Variants in CEP350 observed in about 807,000 individuals in gnomAD.
The protein encoded by CEP350 is centrosome-associated protein 350.
Under a neutral mutation model 331.8 loss-of-function variants are expected in CEP350, and 126 were observed. The observed-to-expected ratio is 0.38, with a 90% CI of 0.33 to 0.44. CEP350 has a LOEUF of 0.44. Ranked by LOEUF, CEP350 falls within the 20% of genes least tolerant of loss-of-function variation. The probability of loss-of-function intolerance (pLI) is 1.00; values close to 1 mark genes in which losing one functional copy is unlikely to be tolerated. For missense variants in CEP350, 3,406 were observed against 3,634.6 expected, an observed-to-expected ratio of 0.94 and a Z score of 1.62; for synonymous variants, 1,200 against 1,259.5, an observed-to-expected ratio of 0.95 and a Z score of 1.00.
rs1172034085 is a variant in CEP350, at chr1:180,014,200, CCT to C, written c.1748_1749del (p.Pro583ArgfsTer9). On this transcript the variant is annotated frameshift_variant, in exon 10 of 38. Transcript: ENST00000367607. LOFTEE classifies it high-confidence loss of function. ...PDKITANEDP[P>X]VISKRRHYDT... is the part of the protein sequence containing the mutation. The stretch of plus-strand genomic sequence containing the variant: ...CAAAATAACAGCTAATGAAGATCCC[CCT>C]GTTATTTCCAAAAGGCGCCACTATG... The C allele has an allele frequency of 2.5e-6, 4 of 1,609,898 alleles. No homozygotes were observed. The highest frequency in any genetic ancestry group is 1.7e-5 in the Admixed American group (1 of 59,320).
chr1:180,021,813 A>G (rs1347292797), intron 12 of CEP350, among the ~76,000 whole-genome samples: 1 of 152,222 alleles, frequency 6.6e-6, no homozygotes, highest in Non-Finnish European at 1.5e-5. Context: ...TTGAATAGCA[A>G]TCAGACTTTA....
intron 5 of CEP350, among the ~76,000 whole-genome samples, chr1:179,993,385 C>G (rs1286353028): frequency 6.6e-6 from 1 of 151,986 alleles, no homozygotes; most frequent in Non-Finnish European, 1.5e-5. Flanking sequence ...AGTGTTCTTC[C>G]TGTAAATAAT....
chr1:180,039,645 T>C (rs541057271), intron 17 of CEP350, among the ~76,000 whole-genome samples: 1 of 152,212 alleles, frequency 6.6e-6, no homozygotes, highest in Non-Finnish European at 1.5e-5. Context: ...GTCAGTACCA[T>C]ATTGTCTTTA....
At chr1:180,032,131 G>A (rs117143370) in intron 15 of CEP350, among the ~76,000 whole-genome samples, 5 of 152,074 alleles carry the variant, frequency 3.3e-5, no homozygotes, top group East Asian at 1.9e-4. Context: ...CACTTAGTCC[G>A]TTGCTTACAA....
chr1:180,103,732 C>T (rs1046054016), intron 37 of CEP350, among the ~76,000 whole-genome samples: 3 of 151,960 alleles, frequency 2.0e-5, no homozygotes, highest in African/African-American at 7.2e-5. Flanking sequence ...GATGCTTCTT[C>T]CAGCTTTCCC....
chr1:179,998,507 T>A (rs1446300460), intron 6 of CEP350, among the ~76,000 whole-genome samples: 2 of 151,724 alleles, frequency 1.3e-5, no homozygotes, highest in East Asian at 3.9e-4. Context: ...GATTTCAACA[T>A]GTTGGCCAGG....
At chr1:180,016,057 T>C (rs1654949900) in intron 11 of CEP350, 87 bp downstream of exon 11, 2 of 1,486,908 alleles carry the variant, frequency 1.3e-6, no homozygotes, top group African/African-American at 2.8e-5. Context: ...TGTTGACTTT[T>C]GTGAACAAGA....
Position 180,052,728 on chromosome 1 carries a change from C to G in CEP350, c.4793-242C>G, listed in dbSNP as rs537287750. Among the ~76,000 whole-genome samples, 129 of 152,192 alleles carry G rather than the reference C, an allele frequency of 8.5e-4. 1 individual carries two copies. Among genetic ancestry groups the G allele is most frequent in the African/African-American group, 3.1e-3 (127 of 41,530 alleles). On this transcript the variant is annotated intron_variant, in intron 22 of 37. Transcript: ENST00000367607. ...TGGTTTTCTAATTGATTTGTAAGAG[C>G]TCTCTAAATTTTTTGCAACATTAAT... is the stretch of plus-strand genomic sequence containing the variant.
At chr1:180,046,404 C>T (rs930183264) in intron 21 of CEP350, among the ~76,000 whole-genome samples, 23 of 152,188 alleles carry the variant, frequency 1.5e-4, no homozygotes, top group Non-Finnish European at 2.5e-4. Context: ...CATGTTGTAG[C>T]ATGTATCACT....
At chr1:180,004,100 T>G (rs1654051151) in intron 7 of CEP350, among the ~76,000 whole-genome samples, 1 of 152,230 alleles carries the variant, frequency 6.6e-6, no homozygotes, top group African/African-American at 2.4e-5. Flanking sequence ...GATTTTGGAA[T>G]CAGCTTTCAA....
At chr1:180,102,639 G>A (rs1241561225) in intron 37 of CEP350, among the ~76,000 whole-genome samples, 1 of 152,156 alleles carries the variant, frequency 6.6e-6, no homozygotes, top group Non-Finnish European at 1.5e-5. Context: ...TAATATAGGT[G>A]CATTGTTTCT....
chr1:180,005,485 A>G (rs1654196198), intron 7 of CEP350, among the ~76,000 whole-genome samples: 1 of 151,994 alleles, frequency 6.6e-6, no homozygotes, highest in Non-Finnish European at 1.5e-5. Flanking sequence ...CATTACCACC[A>G]CCTAGATCGA....
rs776714885 is a variant in CEP350 at position 180,094,338 on chromosome 1, A to G, written c.8233A>G (p.Lys2745Glu). The change falls in exon 34 of 38, where the codon AAA (lysine) becomes GAA (glutamate). Residue 2745 changes from lysine to glutamate, a missense_variant. Physicochemically the swap from Lys to Glu is moderately conservative, Grantham distance 56. Around this residue, in one of 5 missense-constraint regions of CEP350, gnomAD observed 1,415 missense variants for 1,512.3 expected, o/e 0.94. Transcript: ENST00000367607. ...ATCACTAAATGAGGAAAAAAAGTCA[A>G]AACAACAACTGGAAAAAATCAGCTT... ...KSSLNEEKKS[K>E]QQLEKISLLT... 3 of 1,613,862 alleles carry G rather than the reference A, an allele frequency of 1.9e-6. No individual in the cohort carries two copies. Among genetic ancestry groups the G allele is most frequent in the Non-Finnish European group, 2.5e-6 (3 of 1,179,880 alleles).
chr1:180,015,212 TTATTTA>T (rs1654895271), intron 10 of CEP350, among the ~76,000 whole-genome samples: 1 of 76,998 alleles, frequency 1.3e-5, no homozygotes, highest in South Asian at 4.4e-4. Flanking sequence ...AGGAAATTGT[TTATTTA>T]TTTATTTATT....
chr1:179,976,213 G>A (rs1392630900), intron 1 of CEP350, among the ~76,000 whole-genome samples: 1 of 138,396 alleles, frequency 7.2e-6, no homozygotes, highest in Non-Finnish European at 1.6e-5. Flanking sequence ...ACTTTCATAA[G>A]AATAAGCCTG....
rs1341015044 is a variant in CEP350, at chr1:180,094,044, C to T, written c.7939C>T (p.Leu2647Phe). ...TDNVQDISGV[L>F]EAHVHQQSSV... ...CAATGTACAGGACATTTCTGGGGTA[C>T]TTGAAGCCCATGTTCACCAGCAGTC... Residue 2647 changes from leucine (L) to phenylalanine (F), a missense_variant, in exon 34 of 38, where the codon CTT (leucine) becomes TTT (phenylalanine). By Grantham distance (22) the Leu-to-Phe change is conservative. Transcript: ENST00000367607. 1.2e-6 allele frequency: 2 copies of T among 1,613,684 alleles called. No homozygotes were observed. Among genetic ancestry groups the T allele is most frequent in the African/African-American group, 1.3e-5 (1 of 74,920 alleles).
chr1:180,040,733 C>G (rs1656709640), intron 17 of CEP350, among the ~76,000 whole-genome samples: 1 of 151,910 alleles, frequency 6.6e-6, no homozygotes, highest in South Asian at 2.1e-4. Flanking sequence ...ATGGGGACAT[C>G]ATTTTTTAAT....
intron 1 of CEP350, among the ~76,000 whole-genome samples, chr1:179,959,874 CA>C: frequency 6.6e-6 from 1 of 151,530 alleles, no homozygotes; most frequent in Non-Finnish European, 1.5e-5. Flanking sequence ...TCTTACTTTA[CA>C]AAGTAAACCC....
intron 26 of CEP350, 63 bp from the exon 27 acceptor site, chr1:180,065,052 G>T: frequency 6.9e-7 from 1 of 1,452,856 alleles, no homozygotes; most frequent in South Asian, 1.5e-5. Context: ...TGAATTGACA[G>T]TATTATGATG....
Sources: gnomAD v4.1 joint callset for allele counts (sites outside exome capture counted in the v4.1 genomes callset) on GRCh38, gnomAD v4.1.1 for gene constraint, gnomAD v4.1.1 regional missense constraint, MANE v1.5 for transcripts, NCBI Gene and HGNC (gene_info 2026-07-23, HGNC 2026-07-21) for gene names.